The following CSMD1 variants were observed in gnomAD, a reference collection of about 807,000 sequenced individuals.
The protein encoded by CSMD1 is CUB and sushi domain-containing protein 1.
Under a neutral mutation model 417.5 loss-of-function variants are expected in CSMD1, and 213 were observed. The ratio of observed to expected loss-of-function variants is 0.51; its 90% CI spans 0.46 to 0.57. The LOEUF is 0.57. Among genes scored for constraint, CSMD1 ranks in the 20% least tolerant of loss-of-function variants. The pLI is 0.00. For synonymous variants in CSMD1, 2,862 were observed against 1,736.8 expected, an observed-to-expected ratio of 1.65 and a Z score of -16.11; for missense variants, 6,923 against 4,529.7, an observed-to-expected ratio of 1.53 and a Z score of -15.17.
At chr8:4,006,731 G>C (rs923870418) in intron 4 of CSMD1, among the ~76,000 whole-genome samples, 4 of 151,608 alleles carry the variant, frequency 2.6e-5, no homozygotes, top group Admixed American at 6.6e-5. Context: ...ATGAAGTCCA[G>C]ACTGGAACCA....
intron 48 of CSMD1, among the ~76,000 whole-genome samples, chr8:3,090,288 G>T (rs1365576578): frequency 7.7e-6 from 1 of 129,396 alleles, no homozygotes. Flanking sequence ...CTGCACTCCA[G>T]CCTGGGCAAC....
At chr8:4,205,446 C>A (rs528085318) in intron 3 of CSMD1, among the ~76,000 whole-genome samples, 2 of 152,162 alleles carry the variant, frequency 1.3e-5, no homozygotes, top group East Asian at 1.9e-4. Context: ...TTTCATGATG[C>A]GCCCATTTAT....
At chr8:4,437,505 C>G (rs1374331274) in intron 2 of CSMD1, among the ~76,000 whole-genome samples, 1 of 152,036 alleles carries the variant, frequency 6.6e-6, no homozygotes, top group Non-Finnish European at 1.5e-5. Flanking sequence ...TATAACATAG[C>G]CGCGTATGTA....
intron 2 of CSMD1, among the ~76,000 whole-genome samples, chr8:4,609,156 T>C (rs943451657): frequency 1.3e-5 from 2 of 152,150 alleles, no homozygotes; most frequent in Non-Finnish European, 2.9e-5. Flanking sequence ...TCCCAGCACT[T>C]TGGGAGGCTG....
intron 2 of CSMD1, among the ~76,000 whole-genome samples, chr8:4,446,274 G>C (rs1025760856): frequency 6.6e-6 from 1 of 152,208 alleles, no homozygotes. Context: ...CCAGCTGGGA[G>C]TGGTGGCTCA....
intron 50 of CSMD1, among the ~76,000 whole-genome samples, chr8:3,041,448 A>T (rs768216207): frequency 7.2e-5 from 11 of 151,994 alleles, no homozygotes; most frequent in Non-Finnish European, 1.3e-4. Context: ...CACCTTGAAA[A>T]CCTTTTTCTA....
At chr8:3,861,672 T>G (rs1407313209) in intron 5 of CSMD1, among the ~76,000 whole-genome samples, 1 of 152,194 alleles carries the variant, frequency 6.6e-6, no homozygotes, top group Non-Finnish European at 1.5e-5. Flanking sequence ...TTATTGGAGG[T>G]CCAGAGAATA....
chr8:3,878,741 T>G (rs1366000162), intron 5 of CSMD1, among the ~76,000 whole-genome samples: 2 of 152,254 alleles, frequency 1.3e-5, no homozygotes, highest in African/African-American at 2.4e-5. Context: ...TATTAGACCC[T>G]TGTACTTTAT....
intron 2 of CSMD1, among the ~76,000 whole-genome samples, chr8:4,558,588 C>T (rs532086388): frequency 6.6e-6 from 1 of 152,174 alleles, no homozygotes; most frequent in Admixed American, 6.6e-5. Flanking sequence ...GAGACTTTGG[C>T]CAGACACATG....
At chr8:3,209,975 A>G (rs1224709374) in intron 30 of CSMD1, among the ~76,000 whole-genome samples, 2 of 152,192 alleles carry the variant, frequency 1.3e-5, no homozygotes, top group African/African-American at 4.8e-5. Context: ...TTCAGTTACA[A>G]TTCTACAAAA....
At chr8:3,073,912 T>C (rs1813471356) in intron 49 of CSMD1, among the ~76,000 whole-genome samples, 1 of 152,202 alleles carries the variant, frequency 6.6e-6, no homozygotes, top group Non-Finnish European at 1.5e-5. Context: ...AGATTGGCAA[T>C]TATAATGATT....
intron 2 of CSMD1, among the ~76,000 whole-genome samples, chr8:4,488,621 A>G (rs888343333): frequency 1.3e-5 from 2 of 152,010 alleles, no homozygotes; most frequent in South Asian, 2.1e-4. Flanking sequence ...CATCCAATCT[A>G]TAGCAAAATA....
intron 1 of CSMD1, among the ~76,000 whole-genome samples, chr8:4,983,771 G>A (rs1187288814): frequency 6.6e-6 from 1 of 151,880 alleles, no homozygotes; most frequent in Non-Finnish European, 1.5e-5. Context: ...CCTACATCAT[G>A]ACTAATAATT....
chr8:4,397,044 A>G (rs1804281656), intron 3 of CSMD1, among the ~76,000 whole-genome samples: 1 of 114,422 alleles, frequency 8.7e-6, no homozygotes, highest in African/African-American at 2.7e-5. Flanking sequence ...AAAAAAATAA[A>G]GAAAAATTAT....
At chr8:3,993,865 G>A (rs1320500583) in intron 5 of CSMD1, among the ~76,000 whole-genome samples, 2 of 152,196 alleles carry the variant, frequency 1.3e-5, no homozygotes, top group Non-Finnish European at 1.5e-5. Flanking sequence ...TAAGCATTAT[G>A]ATAATGGGAT....
At chr8:4,411,564 G>C (rs1221355693) in intron 3 of CSMD1, among the ~76,000 whole-genome samples, 1 of 151,934 alleles carries the variant, frequency 6.6e-6, no homozygotes, top group Non-Finnish European at 1.5e-5. Flanking sequence ...AATTTTTTCT[G>C]TGCTCATTGC....
At chr8:4,751,616 A>G (rs945716385) in intron 1 of CSMD1, among the ~76,000 whole-genome samples, 7 of 152,230 alleles carry the variant, frequency 4.6e-5, no homozygotes, top group Middle Eastern at 3.2e-3. Flanking sequence ...ATAAATAAAT[A>G]GCAGCCTCAA....
intron 4 of CSMD1, among the ~76,000 whole-genome samples, chr8:4,001,513 G>C (rs1356811836): frequency 6.6e-6 from 1 of 152,110 alleles, no homozygotes; most frequent in Non-Finnish European, 1.5e-5. Context: ...GCCCACCCCT[G>C]AGTACCAACC....
At chr8:3,175,095 A>C (rs558240865) in intron 37 of CSMD1, among the ~76,000 whole-genome samples, 1 of 152,196 alleles carries the variant, frequency 6.6e-6, no homozygotes, top group Admixed American at 6.5e-5. Context: ...TGCAAAATAT[A>C]AAAGTGTGAA....
Sources: allele counts gnomAD v4.1 joint callset (sites outside exome capture counted in the v4.1 genomes callset), GRCh38; gene constraint gnomAD v4.1.1; transcripts MANE v1.5; gene names NCBI Gene and HGNC (gene_info 2026-07-23, HGNC 2026-07-21).